Variants in ITIH5 observed in about 807,000 individuals in gnomAD.
The protein encoded by ITIH5 is inter-alpha-trypsin inhibitor heavy chain 5.
A neutral mutation model predicts 77.5 loss-of-function variants in ITIH5; 65 were observed. The observed-to-expected ratio is 0.84, with a 90% CI of 0.69 to 1.03. The LOEUF (loss-of-function observed/expected upper bound fraction) is 1.03, where lower values mean the gene tolerates loss of function less well. Among genes scored for constraint, ITIH5 ranks in the 50% least tolerant of loss-of-function variants. The probability of loss-of-function intolerance (pLI) is 0.00; values close to 1 mark genes in which losing one functional copy is unlikely to be tolerated. For missense variants in ITIH5, 1,208 were observed against 1,213.1 expected, an observed-to-expected ratio of 1.00 and a Z score of 0.06; for synonymous variants, 525 against 494.3, an observed-to-expected ratio of 1.06 and a Z score of -0.82.
chr10:7,582,298 G>A (rs936674457), intron 8 of ITIH5, among the ~76,000 whole-genome samples: 1 of 152,192 alleles, frequency 6.6e-6, no homozygotes. Flanking sequence ...TATTTGTTTG[G>A]TGGATGGGGA....
At chr10:7,637,814 T>C (rs1374944554) in intron 4 of ITIH5, among the ~76,000 whole-genome samples, 1 of 152,158 alleles carries the variant, frequency 6.6e-6, no homozygotes, top group Non-Finnish European at 1.5e-5. Flanking sequence ...AGTGAAGCTG[T>C]GAATTGTGCT....
Position 7,637,253 on chromosome 10 carries a change from C to T in ITIH5, c.627G>A (p.Arg209=), listed in dbSNP as rs751216391. Residue 209 remains arginine (R), a synonymous_variant, in exon 5 of 14, where the codon AGG becomes AGA. Transcript: ENST00000397146. ...CTTCCCCGCGCCCACTGCCCCTCTG[C>T]CTGCTGTTGTGAAGCGGCAGCACCT... ...SLEVLPLHNS[R]QRGSGRGEDD... 1.2e-6 allele frequency: 2 copies of T among 1,610,088 alleles called. No individual in the cohort carries two copies. The highest frequency in any genetic ancestry group is 1.7e-6 in the Non-Finnish European group (2 of 1,179,980).
chr10:7,585,243 C>G (rs976106101), intron 8 of ITIH5, among the ~76,000 whole-genome samples: 2 of 152,200 alleles, frequency 1.3e-5, no homozygotes, highest in Non-Finnish European at 2.9e-5. Context: ...GGCGCAGGTC[C>G]TGAGTTGGGA....
At chr10:7,585,528 G>A (rs1037918680) in intron 8 of ITIH5, among the ~76,000 whole-genome samples, 6 of 152,136 alleles carry the variant, frequency 3.9e-5, no homozygotes, top group African/African-American at 9.7e-5. Flanking sequence ...TGCCCAAGGT[G>A]CGCACGAAAC....
intron 7 of ITIH5, among the ~76,000 whole-genome samples, chr10:7,590,252 C>G (rs897567123): frequency 1.2e-4 from 19 of 152,206 alleles, no homozygotes; most frequent in Non-Finnish European, 1.9e-4. Context: ...GCCTGGATGT[C>G]AGGCCCTCAC....
chr10:7,580,122 T>C (rs1171466745), intron 8 of ITIH5, 58 bp from the exon 9 acceptor site: 1 of 1,405,738 alleles, frequency 7.1e-7, no homozygotes, highest in Non-Finnish European at 9.6e-7. Flanking sequence ...GCACTCTGAT[T>C]GCACTTTCTT....
chr10:7,636,649 A>G (rs1375831291), intron 5 of ITIH5, among the ~76,000 whole-genome samples: 1 of 152,178 alleles, frequency 6.6e-6, no homozygotes, highest in Non-Finnish European at 1.5e-5. Context: ...TGACATTCCC[A>G]ATATGTTAGA....
At chr10:7,652,729 G>C (rs2131102430) in intron 2 of ITIH5, among the ~76,000 whole-genome samples, 1 of 152,240 alleles carries the variant, frequency 6.6e-6, no homozygotes, top group Admixed American at 6.5e-5. Flanking sequence ...TAGGAACTGA[G>C]CACTTTTATG....
In ITIH5 at chr10:7,576,789, G is replaced by C; in HGVS notation, c.1642C>G (p.Arg548Gly). Residue 548 changes from arginine to glycine, a missense_variant, in exon 10 of 14, where the codon CGG (arginine) becomes GGG (glycine). By Grantham distance (125) the Arg-to-Gly change is moderately radical. Coordinates refer to ENST00000397146, the MANE Select transcript of ITIH5 (RefSeq NM_030569.7). ...ACATCTTTCCCTGCCTTCTGAGGCC[G>C]CACAGGCACATCTGTCTTCAGGATG... ...FIILKTDVPV[R>G]PQKAGKDVTG... The C allele has an allele frequency of 6.2e-7, 1 of 1,614,124 alleles. No individual in the cohort carries two copies. Among genetic ancestry groups the C allele is most frequent in the Non-Finnish European group, 8.5e-7 (1 of 1,180,004 alleles).
At chr10:7,612,611 A>G (rs1833270754) in intron 7 of ITIH5, among the ~76,000 whole-genome samples, 1 of 151,588 alleles carries the variant, frequency 6.6e-6, no homozygotes, top group African/African-American at 2.4e-5. Context: ...TCAGCAAGTT[A>G]TGTTTGTTCA....
intron 7 of ITIH5, among the ~76,000 whole-genome samples, chr10:7,606,269 T>C (rs111402616): frequency 5.3e-5 from 8 of 152,134 alleles, no homozygotes; most frequent in Admixed American, 2.0e-4. Context: ...CCCAAAGGAA[T>C]AGAAATCATT....
chr10:7,572,299 T>C lies in ITIH5; in HGVS notation c.2032+843A>G, dbSNP rs781742643. The C allele has an allele frequency of 1.8e-5, 24 of 1,365,796 alleles. No homozygotes were observed. In the East Asian group the frequency reaches 8.6e-4, roughly 49 times the overall value. The allele number at this position is 1,365,796 out of a possible 1,614,324, so 84.6% of individuals were successfully genotyped here. The stretch of plus-strand genomic sequence containing the variant: ...CAGCAGAACAAAACCCAGTCATAGG[T>C]TGTTCTTTCCTCTGAATTTTTATTA... On this transcript the variant is annotated intron_variant, in intron 11 of 13. Coordinates refer to ENST00000397146, the MANE Select transcript of ITIH5 (RefSeq NM_030569.7).
At chr10:7,621,430 C>T (rs929548303) in intron 5 of ITIH5, 1 of 152,136 alleles carries the variant, frequency 6.6e-6, no homozygotes, top group Non-Finnish European at 1.5e-5. Context: ...ATTATTTTGG[C>T]TTCCTAGTGA....
At chr10:7,664,539 T>A (rs1245388675) in intron 1 of ITIH5, among the ~76,000 whole-genome samples, 2 of 152,138 alleles carry the variant, frequency 1.3e-5, no homozygotes, top group Non-Finnish European at 2.9e-5. Context: ...CCCAAGTGAC[T>A]TTTTCCACCC....
rs768527721 is a variant in ITIH5 at position 7,585,949 on chromosome 10, T to C, written c.1060A>G (p.Ser354Gly). Residue 354 changes from serine to glycine, a missense_variant, in exon 8 of 14, where the codon AGC becomes GGC. Transcript: ENST00000397146. ...KDHLISVTPD[S>G]IRDGKVYIHH... ...ATGTACACTTTCCCATCCCTGATGC[T>C]GTCTGGAGTGACTGATATCAAGTGG... 1.1e-5 allele frequency: 18 copies of C among 1,614,156 alleles called. 1 individual carries two copies. The South Asian group carries it at 2.0e-4, about 18-fold the overall frequency.
intron 5 of ITIH5, among the ~76,000 whole-genome samples, chr10:7,628,740 TGTGTCCATGTTGCAGC>T: frequency 9.6e-6 from 1 of 103,904 alleles, no homozygotes; most frequent in African/African-American, 3.0e-5. Flanking sequence ...TGTTGCAGCG[TGTGTCCATGTTGCAGC>T]GTGTGTCCAT....
intron 1 of ITIH5, among the ~76,000 whole-genome samples, chr10:7,661,463 AT>A (rs1440937712): frequency 6.6e-6 from 1 of 152,150 alleles, no homozygotes; most frequent in African/African-American, 2.4e-5. Flanking sequence ...AAAGGGCTAG[AT>A]GTTGGAAAGT....
At chr10:7,602,055 T>C (rs886297385) in intron 7 of ITIH5, among the ~76,000 whole-genome samples, 3 of 152,128 alleles carry the variant, frequency 2.0e-5, no homozygotes, top group Non-Finnish European at 2.9e-5. Flanking sequence ...GGTTTCACCA[T>C]GTTGGCCAGG....
chr10:7,571,972 A>G, intron 11 of ITIH5: 1 of 1,003,022 alleles, frequency 1.0e-6, no homozygotes, highest in Non-Finnish European at 1.2e-6. Context: ...TTCTATGTGC[A>G]CATACCACAC....
Sources: allele counts gnomAD v4.1 joint callset (sites outside exome capture counted in the v4.1 genomes callset), GRCh38; gene constraint gnomAD v4.1.1; transcripts MANE v1.5; gene names NCBI Gene and HGNC (gene_info 2026-07-23, HGNC 2026-07-21).